The following ANXA8 variants were observed in gnomAD, a reference collection of about 807,000 sequenced individuals.
ANXA8 encodes annexin A8, also known as VAC-beta.
Under a neutral mutation model 26.8 loss-of-function variants are expected in ANXA8, and 9 were observed. The ratio of observed to expected loss-of-function variants is 0.34; its 90% CI spans 0.20 to 0.59. ANXA8 has a LOEUF of 0.59. Among genes scored for constraint, ANXA8 ranks in the 20% least tolerant of loss-of-function variants. The pLI is 0.84. For synonymous variants in ANXA8, 39 were observed against 94.8 expected, an observed-to-expected ratio of 0.41 and a Z score of 3.42; for missense variants, 83 against 238.5, an observed-to-expected ratio of 0.35 and a Z score of 4.29.
chr10:47,618,556 C>T, the ANXA8 span, among the ~76,000 whole-genome samples: 2 of 113,690 alleles, frequency 1.8e-5, no homozygotes, highest in Non-Finnish European at 3.9e-5. Flanking sequence ...AAATGTCCTT[C>T]TTGAACCATA....
chr10:47,591,610 A>AT, the ANXA8 span, among the ~76,000 whole-genome samples: 1 of 143,916 alleles, frequency 6.9e-6, no homozygotes, highest in Non-Finnish European at 1.5e-5. Flanking sequence ...GGCCCGGCTA[A>AT]TTTTTTGTAT....
chr10:47,535,269 C>T, the ANXA8 span, among the ~76,000 whole-genome samples: 16 of 131,856 alleles, frequency 1.2e-4, 1 homozygote, highest in Non-Finnish European at 2.3e-4. Context: ...CCACCACTCC[C>T]GAACCCATTT....
At chr10:47,667,285 T>A in the ANXA8 span, among the ~76,000 whole-genome samples, 1 of 152,014 alleles carries the variant, frequency 6.6e-6, no homozygotes, top group East Asian at 1.9e-4. Flanking sequence ...AACATTGAGA[T>A]TGATGATTTT....
rs1839278010 is a variant in ANXA8 at position 47,470,036 on chromosome 10, G to A, written c.925-1130C>T. ...TGGGATTACGGGTGTGGGCCACTACGCCTGGTGATTTTTATTATTTTGAGG... is the reference window on the plus strand; with the variant it reads ...TGGGATTACGGGTGTGGGCCACTACACCTGGTGATTTTTATTATTTTGAGG... On this transcript the variant is annotated intron_variant, in intron 11 of 11. Transcript: ENST00000585281. 2.6e-5 allele frequency among the ~76,000 whole-genome samples: 4 copies of A among 151,608 alleles called. 1 individual carries two copies. The highest frequency in any genetic ancestry group is 7.3e-5 in the African/African-American group (3 of 41,006).
the ANXA8 span, among the ~76,000 whole-genome samples, chr10:47,596,222 T>A: frequency 8.8e-6 from 1 of 113,584 alleles, no homozygotes; most frequent in Non-Finnish European, 1.7e-5. Flanking sequence ...AAGAATTTTT[T>A]AAACAAATGA....
the ANXA8 span, chr10:47,763,071 A>C: frequency 2.0e-6 from 2 of 1,017,658 alleles, no homozygotes; most frequent in South Asian, 6.5e-5. Flanking sequence ...GACCCCTCAC[A>C]CCTGGTGGCC....
chr10:47,577,226 A>G, the ANXA8 span, among the ~76,000 whole-genome samples: 2 of 6,524 alleles, frequency 3.1e-4, no homozygotes, highest in African/African-American at 1.2e-3. Flanking sequence ...CTCCATCTCA[A>G]AAAAAAAAAA....
At chr10:47,986,601 G>A in the ANXA8 span, 2 of 359,536 alleles carry the variant, frequency 5.6e-6, no homozygotes, top group Non-Finnish European at 1.1e-5. Flanking sequence ...CAGTTGAAGT[G>A]GCTTTGAAAC....
At chr10:47,686,225 CTTTTTTT>C in the ANXA8 span, among the ~76,000 whole-genome samples, 13 of 122,954 alleles carry the variant, frequency 1.1e-4, no homozygotes, top group African/African-American at 3.9e-4. Context: ...GCTCCTATCA[CTTTTTTT>C]TTTTTTTTTT....
chr10:47,565,710 C>T, the ANXA8 span: 1 of 497,242 alleles, frequency 2.0e-6, no homozygotes, highest in Non-Finnish European at 3.2e-6. Flanking sequence ...CCTGAAGCGT[C>T]CTCGGTGCTT....
the ANXA8 span, among the ~76,000 whole-genome samples, chr10:47,534,466 T>C: frequency 2.9e-5 from 4 of 137,572 alleles, no homozygotes; most frequent in Non-Finnish European, 4.6e-5. Context: ...CCTTTCCATA[T>C]GCCTTTTCAC....
chr10:47,672,278 C>A, the ANXA8 span, among the ~76,000 whole-genome samples: 1 of 150,504 alleles, frequency 6.6e-6, no homozygotes, highest in Non-Finnish European at 1.5e-5. Flanking sequence ...CTGCTTAGAA[C>A]CTGGGTTGAT....
chr10:47,694,218 A>AT, the ANXA8 span, among the ~76,000 whole-genome samples: 9 of 151,234 alleles, frequency 6.0e-5, no homozygotes, highest in African/African-American at 9.7e-5. Context: ...AAAAAATCAG[A>AT]TTTTTTTTGT....
chr10:47,658,847 A>ATTTAT, the ANXA8 span, among the ~76,000 whole-genome samples: 4 of 133,672 alleles, frequency 3.0e-5, no homozygotes, highest in South Asian at 2.2e-4. Flanking sequence ...TTATTTATTT[A>ATTTAT]TTATTTATTT....
At chr10:47,989,959 G>A in the ANXA8 span, among the ~76,000 whole-genome samples, 1 of 46,966 alleles carries the variant, frequency 2.1e-5, no homozygotes. Context: ...GTTGCAGGTG[G>A]GGTCTACCTG....
At chr10:47,579,634 T>A in the ANXA8 span, among the ~76,000 whole-genome samples, 7 of 62,628 alleles carry the variant, frequency 1.1e-4, no homozygotes, top group Non-Finnish European at 1.6e-4. Flanking sequence ...TCAATTTTTT[T>A]AATAATGTAA....
At chr10:47,645,605 G>A in the ANXA8 span, among the ~76,000 whole-genome samples, 2 of 151,628 alleles carry the variant, frequency 1.3e-5, no homozygotes, top group African/African-American at 2.4e-5. Flanking sequence ...TAACAAAGAC[G>A]TGAATTGTCC....
At chr10:47,564,425 GC>G in the ANXA8 span, 1 of 1,143,802 alleles carries the variant, frequency 8.7e-7, no homozygotes, top group Non-Finnish European at 1.3e-6. Flanking sequence ...TGGTGAAGTG[GC>G]GGTTGCAGAA....
At chr10:47,770,151 A>C in the ANXA8 span, among the ~76,000 whole-genome samples, 1 of 134,930 alleles carries the variant, frequency 7.4e-6, no homozygotes, top group Non-Finnish European at 1.6e-5. Context: ...AATACCTCCC[A>C]CCAGGCCCCA....
Sources: allele counts gnomAD v4.1 joint callset (sites outside exome capture counted in the v4.1 genomes callset), GRCh38; gene constraint gnomAD v4.1.1; transcripts MANE v1.5; gene names NCBI Gene and HGNC (gene_info 2026-07-23, HGNC 2026-07-21).